Variants in DNAH7 observed in about 807,000 individuals in gnomAD.
The protein encoded by DNAH7 is axonemal beta dynein heavy chain 7.
A neutral mutation model predicts 444.6 loss-of-function variants in DNAH7; 397 were observed. The ratio of observed to expected loss-of-function variants is 0.89; its 90% confidence interval spans 0.82 to 0.97. DNAH7 has a LOEUF of 0.97. DNAH7 is among the 50% of genes least tolerant of loss of function. The pLI is 0.00. For synonymous variants in DNAH7, 1,636 were observed against 1,624.4 expected, an observed-to-expected ratio of 1.01 and a Z score of -0.17; for missense variants, 4,902 against 4,800.8, an observed-to-expected ratio of 1.02 and a Z score of -0.62.
Position 195,775,865 on chromosome 2 carries a change from T to C in DNAH7, c.11183A>G (p.Asp3728Gly). 1.2e-6 allele frequency: 2 copies of C among 1,614,086 alleles called. No homozygotes were observed. Among genetic ancestry groups the C allele is most frequent in the Non-Finnish European group, 1.7e-6 (2 of 1,179,996 alleles). ...ACACACCTGTGTAAGAAGAATGTTA[T>C]CAAATAGCAGCTGAGTTTCTGACTG... ...KDQSETQLLF[D>G]NILLTQSRSA... The change falls in exon 60 of 65, where the codon GAT (aspartate) becomes GGT (glycine). Residue 3728 changes from aspartate to glycine, a missense_variant. By Grantham distance (94) the Asp-to-Gly change is moderately conservative (BLOSUM62 -1). Transcript: ENST00000312428.
chr2:196,015,093 T>G (rs1694935537), intron 9 of DNAH7, among the ~76,000 whole-genome samples: 1 of 152,154 alleles, frequency 6.6e-6, no homozygotes, highest in Non-Finnish European at 1.5e-5. Flanking sequence ...AAAGTGAAAT[T>G]GCTGGATTCA....
intron 59 of DNAH7, among the ~76,000 whole-genome samples, chr2:195,776,962 T>A (rs1332775948): frequency 6.6e-6 from 1 of 152,190 alleles, no homozygotes; most frequent in Non-Finnish European, 1.5e-5. Flanking sequence ...TCATTGGAGA[T>A]CTTGTTACCC....
intron 17 of DNAH7, among the ~76,000 whole-genome samples, chr2:195,968,352 C>CCCTTCAAGG (rs1304785235): frequency 1.3e-5 from 2 of 152,152 alleles, no homozygotes; most frequent in South Asian, 4.2e-4. Flanking sequence ...TTGTGTCCTT[C>CCCTTCAAGG]CCTTCAAGGC....
At chr2:195,852,206 C>T (rs1454820958) in intron 46 of DNAH7, among the ~76,000 whole-genome samples, 5 of 151,920 alleles carry the variant, frequency 3.3e-5, no homozygotes, top group South Asian at 4.2e-4. Flanking sequence ...TGCAGAGAGC[C>T]GAGATCGCAC....
chr2:195,965,637 C>A (rs1421555344), intron 17 of DNAH7, among the ~76,000 whole-genome samples: 1 of 151,994 alleles, frequency 6.6e-6, no homozygotes, highest in Non-Finnish European at 1.5e-5. Flanking sequence ...TGCATTCAAT[C>A]TTCTTACTTG....
intron 19 of DNAH7, among the ~76,000 whole-genome samples, chr2:195,947,685 G>C (rs1308498249): frequency 6.6e-6 from 1 of 152,050 alleles, no homozygotes; most frequent in East Asian, 1.9e-4. Flanking sequence ...TCTTTATCCA[G>C]TCTATCATTG....
intron 38 of DNAH7, among the ~76,000 whole-genome samples, chr2:195,875,246 G>T (rs568479692): frequency 1.7e-4 from 26 of 152,180 alleles, no homozygotes; most frequent in Non-Finnish European, 3.7e-4. Flanking sequence ...GATTTCTGAA[G>T]CAGGGACCAT....
intron 56 of DNAH7, among the ~76,000 whole-genome samples, 159 bp downstream of exon 56, chr2:195,796,417 G>A (rs995039700): frequency 5.9e-5 from 9 of 152,140 alleles, no homozygotes; most frequent in African/African-American, 2.2e-4. Flanking sequence ...TGTTCCTCCA[G>A]ATCTGGTTTT....
At position 195,926,544 on chromosome 2, in the gene DNAH7, G is replaced by A. The variant is rs1688347232; in HGVS notation, c.3494C>T (p.Ala1165Val). ...IHKVTGDATF[A>V]YTKYERINWV... ...GTTAATTCGTTCATATTTTGTATAG[G>A]CAAAAGTTGCATCTCCAGTTACCTA... is the stretch of plus-strand genomic sequence containing the variant. The change falls in exon 22 of 65, where the codon GCC becomes GTC. Residue 1165 changes from alanine to valine, a missense_variant. Ala to Val is a moderately conservative substitution (Grantham distance 64). Transcript: ENST00000312428. 6.3e-7 allele frequency: 1 copy of A among 1,597,780 alleles called. No homozygotes were observed. Among genetic ancestry groups the A allele is most frequent in the Non-Finnish European group, 8.5e-7 (1 of 1,173,656 alleles).
intron 15 of DNAH7, among the ~76,000 whole-genome samples, chr2:195,976,524 C>T (rs944894730): frequency 1.3e-5 from 2 of 152,008 alleles, no homozygotes; most frequent in Non-Finnish European, 2.9e-5. Flanking sequence ...GGAACACATG[C>T]CTGGATGGCT....
chr2:196,017,864 T>C (rs907854485), intron 9 of DNAH7, among the ~76,000 whole-genome samples: 9 of 152,064 alleles, frequency 5.9e-5, no homozygotes, highest in African/African-American at 2.2e-4. Flanking sequence ...GCCAGGAAGA[T>C]CTCACATACA....
Position 195,794,440 on chromosome 2 carries a change from T to G in DNAH7, c.10614A>C (p.Lys3538Asn). 1 of 1,614,158 alleles carries G rather than the reference T, an allele frequency of 6.2e-7. No homozygotes were observed. Among genetic ancestry groups the G allele is most frequent in the Admixed American group, 1.7e-5 (1 of 60,026 alleles). The change falls in exon 57 of 65, where the codon AAA becomes AAC. Residue 3538 changes from lysine (K) to asparagine (N), a missense_variant. Transcript: ENST00000312428. ...AACCTTTTGGTGCTTCATTGGTCAT[T>G]TTCACTCCATTCTGCAGTACTGACA... ...FPVSVLQNGV[K>N]MTNEAPKGLR...
chr2:195,857,811 G>GA, intron 43 of DNAH7, 88 bp from the exon 44 acceptor site: 1 of 1,142,658 alleles, frequency 8.8e-7, no homozygotes, highest in Non-Finnish European at 1.2e-6. Flanking sequence ...TAAGCATACA[G>GA]AAACTCACTG....
chr2:196,000,566 T>G (rs1188801550), intron 12 of DNAH7, 138 bp downstream of exon 12: 7 of 752,440 alleles, frequency 9.3e-6, no homozygotes, highest in African/African-American at 1.8e-5. Context: ...AAAATGGTAG[T>G]TTTTTAGGAA....
intron 9 of DNAH7, among the ~76,000 whole-genome samples, chr2:196,014,585 AT>A (rs769586336): frequency 1.1e-4 from 16 of 152,138 alleles, no homozygotes; most frequent in Admixed American, 3.9e-4. Context: ...TCTGTCACTG[AT>A]TTTCAGGCAG....
At chr2:196,001,541 C>A in intron 11 of DNAH7, 134 bp downstream of exon 11, 2 of 816,876 alleles carry the variant, frequency 2.4e-6, no homozygotes, top group Non-Finnish European at 3.4e-6. Flanking sequence ...ACAATTTTTT[C>A]TTTTAAGATA....
chr2:195,936,661 T>A lies in DNAH7; in HGVS notation c.3210A>T (p.Arg1070Ser), dbSNP rs1488548017. The A allele has an allele frequency of 6.2e-7, 1 of 1,605,922 alleles. No individual in the cohort carries two copies. The highest frequency in any genetic ancestry group is 1.7e-5 in the Admixed American group (1 of 58,570). ...YLEKKRLFFPRFFFLSNDELL... is the reference protein window; with the variant it reads ...YLEKKRLFFPSFFFLSNDELL... ...GTTCATCATTGGACAAAAAAAAGAA[T>A]CTGGGGAAAAAGAGGCGTTTCTTTT... The change falls in exon 20 of 65, where the codon AGA becomes AGT. Residue 1070 changes from arginine to serine, a missense_variant. Physicochemically the swap from Arg to Ser is moderately radical, Grantham distance 110 (BLOSUM62 -1). Coordinates refer to ENST00000312428, the MANE Select transcript of DNAH7 (RefSeq NM_018897.3).
At chr2:195,973,448 GT>G (rs888791388) in intron 15 of DNAH7, among the ~76,000 whole-genome samples, 3 of 151,688 alleles carry the variant, frequency 2.0e-5, no homozygotes, top group Admixed American at 2.0e-4. Flanking sequence ...GACCTATACA[GT>G]TTTTTTTGTT....
intron 5 of DNAH7, among the ~76,000 whole-genome samples, chr2:196,037,410 G>A (rs1696464753): frequency 6.6e-6 from 1 of 151,788 alleles, no homozygotes; most frequent in African/African-American, 2.4e-5. Context: ...CAAAGAAAAG[G>A]AAATCTAAAA....
Sources: gnomAD v4.1 joint callset for allele counts (sites outside exome capture counted in the v4.1 genomes callset) on GRCh38, gnomAD v4.1.1 for gene constraint, MANE v1.5 for transcripts, NCBI Gene and HGNC (gene_info 2026-07-23, HGNC 2026-07-21) for gene names.